Variants in OTOA observed in about 807,000 individuals in gnomAD.
OTOA encodes the protein cancer/testis antigen 108.
In OTOA, 70 loss-of-function variants were observed where a neutral mutation model predicts 110.8. The ratio of observed to expected loss-of-function variants is 0.63; its 90% CI spans 0.52 to 0.77. The LOEUF (loss-of-function observed/expected upper bound fraction) is 0.77. Among genes scored for constraint, OTOA ranks in the 30% least tolerant of loss-of-function variants. The pLI is 0.00. For missense variants in OTOA, 917 were observed against 1,075.8 expected, an observed-to-expected ratio of 0.85 and a Z score of 2.06; for synonymous variants, 373 against 431.5, an observed-to-expected ratio of 0.86 and a Z score of 1.68.
At chr16:21,671,303 A>C (rs904667717) in intron 1 of OTOA, among the ~76,000 whole-genome samples, 9 of 151,994 alleles carry the variant, frequency 5.9e-5, no homozygotes, top group African/African-American at 2.2e-4. Flanking sequence ...AAACTCGTCC[A>C]AGGCCGGGCT....
At chr16:21,698,604 T>C (rs1438131027) in intron 10 of OTOA, among the ~76,000 whole-genome samples, 1 of 152,154 alleles carries the variant, frequency 6.6e-6, no homozygotes, top group Non-Finnish European at 1.5e-5. Flanking sequence ...GAGAAGTGTT[T>C]GCATCAAATG....
intron 5 of OTOA, 70 bp downstream of exon 5, chr16:21,679,281 T>A: frequency 6.6e-7 from 1 of 1,519,154 alleles, no homozygotes; most frequent in Non-Finnish European, 9.1e-7. Flanking sequence ...TGGAAGTCTC[T>A]TAATTGTAAA....
chr16:21,721,591 TTATA>T, intron 17 of OTOA: 2 of 432,058 alleles, frequency 4.6e-6, no homozygotes, highest in South Asian at 3.2e-5. Context: ...GAGTTTTCTT[TTATA>T]TATAAAATAT....
intron 13 of OTOA, among the ~76,000 whole-genome samples, chr16:21,713,730 C>A (rs1597833005): frequency 6.6e-6 from 1 of 152,166 alleles, no homozygotes; most frequent in Non-Finnish European, 1.5e-5. Context: ...ATTATGGCAC[C>A]ATGACCAATG....
intron 1 of OTOA, among the ~76,000 whole-genome samples, chr16:21,674,394 T>A (rs1966853329): frequency 6.6e-6 from 1 of 152,022 alleles, no homozygotes; most frequent in Non-Finnish European, 1.5e-5. Flanking sequence ...CACTGCAACC[T>A]CTGCCTCCCA....
intron 13 of OTOA, among the ~76,000 whole-genome samples, chr16:21,714,620 T>C (rs1898492471): frequency 6.6e-6 from 1 of 152,050 alleles, no homozygotes; most frequent in Non-Finnish European, 1.5e-5. Context: ...CAAGCAATTC[T>C]CCTGCCTCAG....
At chr16:21,749,550 G>A (rs1331892344) in intron 24 of OTOA, among the ~76,000 whole-genome samples, 2 of 149,574 alleles carry the variant, frequency 1.3e-5, no homozygotes, top group Non-Finnish European at 2.9e-5. Flanking sequence ...ACAAAAAAAA[G>A]CAAAGAGAGT....
At chr16:21,665,726 A>AG (rs1157548716) in intron 1 of OTOA, among the ~76,000 whole-genome samples, 1 of 152,138 alleles carries the variant, frequency 6.6e-6, no homozygotes, top group East Asian at 1.9e-4. Context: ...GGAGAGAAGA[A>AG]GGGGAATAGC....
chr16:21,675,435 C>G (rs1328309131), intron 1 of OTOA, among the ~76,000 whole-genome samples: 1 of 147,964 alleles, frequency 6.8e-6, no homozygotes, highest in African/African-American at 2.5e-5. Context: ...GGATTACAGG[C>G]GTGAGCCACT....
chr16:21,700,118 A>T (rs961536663), intron 10 of OTOA, among the ~76,000 whole-genome samples: 1 of 152,002 alleles, frequency 6.6e-6, no homozygotes, highest in Non-Finnish European at 1.5e-5. Context: ...GAATGTTGGG[A>T]ATCTGAATAG....
At position 21,719,196 on chromosome 16, in the gene OTOA, G is replaced by A; in HGVS notation, c.1688+5G>A. ...AAGGCCTGAGGAGCTTTTGAGGTAG[G>A]AAAATGTAACTCGGCCTGGGTGCTG... On this transcript the variant is annotated splice_donor_5th_base_variant and intron_variant, in intron 16 of 28. Coordinates refer to ENST00000646100, the MANE Select transcript of OTOA (RefSeq NM_144672.4). The A allele has an allele frequency of 6.2e-7, 1 of 1,614,092 alleles. No individual in the cohort carries two copies. Among genetic ancestry groups the A allele is most frequent in the Non-Finnish European group, 8.5e-7 (1 of 1,180,020 alleles).
At chr16:21,684,315 CTGTT>C in intron 6 of OTOA, 1 of 1,346,144 alleles carries the variant, frequency 7.4e-7, no homozygotes, top group Non-Finnish European at 9.6e-7. Context: ...CTGGGCATGT[CTGTT>C]TAACGGAGAT....
rs199797416 is a variant in OTOA at position 21,675,063 on chromosome 16, GTCTTTCTTTCTTTCTTTCTTTCTT to G, written c.-4-3418_-4-3395del. ...GGTCATGAGGTCATGTTTTCTTTCT[GTCTTTCTTTCTTTCTTTCTTTCTT>G]TCTTTCTTTCTTTCTTTCTTTCTTT... On this transcript the variant is annotated intron_variant, in intron 1 of 28. Transcript: ENST00000646100. Among the ~76,000 whole-genome samples, 1,051 of 123,280 alleles carry G rather than the reference GTCTTTCTTTCTTTCTTTCTTTCTT, an allele frequency of 8.5e-3. 38 individuals carry two copies. Among genetic ancestry groups the G allele is most frequent in the East Asian group, 0.084 (353 of 4,212 alleles). The allele number at this position is 123,280 out of a possible 152,430, so 80.9% of individuals were successfully genotyped here. A position where few individuals can be genotyped will look rare whatever the true frequency, so the allele number is the denominator to read the frequency against.
chr16:21,671,068 TGAG>T (rs2141646257), intron 1 of OTOA, among the ~76,000 whole-genome samples: 1 of 152,200 alleles, frequency 6.6e-6, no homozygotes, highest in South Asian at 2.1e-4. Context: ...GAGGGTGACA[TGAG>T]TTTATTGAGA....
intron 22 of OTOA, among the ~76,000 whole-genome samples, chr16:21,736,695 G>A (rs1483638255): frequency 6.6e-6 from 1 of 152,062 alleles, no homozygotes; most frequent in African/African-American, 2.4e-5. Flanking sequence ...GCCGGGTGTG[G>A]TGGTGCATAC....
intron 9 of OTOA, among the ~76,000 whole-genome samples, chr16:21,692,251 G>A (rs555192611): frequency 1.3e-5 from 2 of 151,814 alleles, no homozygotes; most frequent in East Asian, 1.9e-4. Flanking sequence ...CGCTTCAACT[G>A]GGGAGGCAGA....
At chr16:21,679,255 T>C (rs1225039264) in intron 5 of OTOA, 44 bp downstream of exon 5, 2 of 1,590,228 alleles carry the variant, frequency 1.3e-6, no homozygotes, top group Admixed American at 1.7e-5. Flanking sequence ...TATAGATTTT[T>C]AATAAAAATT....
At chr16:21,671,538 C>T (rs1405106287) in intron 1 of OTOA, among the ~76,000 whole-genome samples, 3 of 137,678 alleles carry the variant, frequency 2.2e-5, no homozygotes, top group Admixed American at 1.6e-4. Flanking sequence ...AGTGAGCCTA[C>T]ATTGCACCAC....
intron 15 of OTOA, among the ~76,000 whole-genome samples, chr16:21,717,334 A>G (rs541882335): frequency 2.0e-4 from 31 of 152,168 alleles, no homozygotes; most frequent in African/African-American, 7.5e-4. Flanking sequence ...CCAGCTACTC[A>G]GGAGGCTGAG....
Sources: allele counts gnomAD v4.1 joint callset (sites outside exome capture counted in the v4.1 genomes callset), GRCh38; gene constraint gnomAD v4.1.1; transcripts MANE v1.5; gene names NCBI Gene and HGNC (gene_info 2026-07-23, HGNC 2026-07-21).